FKBP6: variants seen among roughly 807,000 people sequenced by gnomAD.
FKBP6 encodes FKBP prolyl isomerase family member 6 (inactive).
Under a neutral mutation model 41.7 loss-of-function variants are expected in FKBP6, and 29 were observed. That is an observed-to-expected ratio of 0.70 (90% confidence interval 0.52 to 0.95). FKBP6 has a LOEUF of 0.95. Among genes scored for constraint, FKBP6 ranks in the 40% least tolerant of loss-of-function variants. The pLI is 0.00. For missense variants in FKBP6, 338 were observed against 408.7 expected, an observed-to-expected ratio of 0.83 and a Z score of 1.49; for synonymous variants, 130 against 165.1, an observed-to-expected ratio of 0.79 and a Z score of 1.63.
chr7:73,341,712 A>C (rs1441419488), intron 7 of FKBP6, among the ~76,000 whole-genome samples: 1 of 141,238 alleles, frequency 7.1e-6, no homozygotes, highest in East Asian at 2.1e-4. Context: ...CACCTAGGCT[A>C]TAGGGCAATG....
At chr7:73,353,469 G>C (rs1164384687) in intron 8 of FKBP6, among the ~76,000 whole-genome samples, 1 of 152,158 alleles carries the variant, frequency 6.6e-6, no homozygotes, top group South Asian at 2.1e-4. Context: ...TCCCAGATGA[G>C]ATCATCCTGA....
chr7:73,356,683 CATTA>C (rs1232992229), intron 8 of FKBP6, among the ~76,000 whole-genome samples: 6 of 152,312 alleles, frequency 3.9e-5, no homozygotes, highest in African/African-American at 1.4e-4. Flanking sequence ...ATAACTCTGT[CATTA>C]ATTCTGTGAG....
At chr7:73,356,018 AT>A (rs1805621021) in intron 8 of FKBP6, among the ~76,000 whole-genome samples, 1 of 142,644 alleles carries the variant, frequency 7.0e-6, no homozygotes, top group African/African-American at 2.6e-5. Context: ...GACAGCAGAG[AT>A]CGTGCCACTG....
chr7:73,329,566 G>T, intron 3 of FKBP6, 117 bp downstream of exon 3: 1 of 780,452 alleles, frequency 1.3e-6, no homozygotes, highest in East Asian at 2.5e-5. Flanking sequence ...CTTTGCTGAG[G>T]CTGGGTTTTG....
At chr7:73,353,100 C>G (rs1554551358) in intron 8 of FKBP6, among the ~76,000 whole-genome samples, 1 of 152,050 alleles carries the variant, frequency 6.6e-6, no homozygotes, top group African/African-American at 2.4e-5. Context: ...TTCTGTCTCT[C>G]CCTCTCTCTC....
intron 8 of FKBP6, among the ~76,000 whole-genome samples, chr7:73,354,920 G>A (rs1287791206): frequency 1.3e-5 from 2 of 152,172 alleles, no homozygotes. Context: ...CCGTGGGAAC[G>A]GCACCTGCTG....
chr7:73,337,550 G>A (rs1554548733), intron 5 of FKBP6, among the ~76,000 whole-genome samples: 1 of 151,926 alleles, frequency 6.6e-6, no homozygotes, highest in Non-Finnish European at 1.5e-5. Context: ...CTGACCTCAG[G>A]TGATCCGCCC....
chr7:73,355,344 G>A (rs1018073505), intron 8 of FKBP6, among the ~76,000 whole-genome samples: 6 of 152,174 alleles, frequency 3.9e-5, no homozygotes, highest in African/African-American at 1.2e-4. Flanking sequence ...ACATGTATTG[G>A]GTTTTCAAAA....
At chr7:73,343,043 G>C in intron 8 of FKBP6, 144 bp downstream of exon 8, 1 of 717,146 alleles carries the variant, frequency 1.4e-6, no homozygotes, top group Middle Eastern at 3.7e-4. Flanking sequence ...CAACACAACG[G>C]TAGTGCAGGA....
At chr7:73,338,135 C>T (rs1174384191) in intron 5 of FKBP6, among the ~76,000 whole-genome samples, 2 of 152,172 alleles carry the variant, frequency 1.3e-5, no homozygotes, top group Non-Finnish European at 2.9e-5. Context: ...AAGCGATTCT[C>T]CTGCCTCAGC....
intron 6 of FKBP6, 86 bp from the exon 7 acceptor site, chr7:73,341,187 G>GT (rs1805172206): frequency 1.0e-6 from 1 of 961,296 alleles, no homozygotes; most frequent in South Asian, 1.3e-5. Context: ...GCCTCCCAAA[G>GT]TGCTGGGATT....
At chr7:73,335,595 C>T (rs1554548451) in intron 5 of FKBP6, among the ~76,000 whole-genome samples, 2 of 152,124 alleles carry the variant, frequency 1.3e-5, no homozygotes, top group Non-Finnish European at 2.9e-5. Context: ...TTGCTGAGGC[C>T]ATCTGGACAC....
intron 5 of FKBP6, among the ~76,000 whole-genome samples, chr7:73,334,197 G>A (rs1322975790): frequency 1.1e-4 from 16 of 152,138 alleles, no homozygotes; most frequent in African/African-American, 3.1e-4. Flanking sequence ...GACGAAGATC[G>A]TTTTTCCCCG....
intron 8 of FKBP6, among the ~76,000 whole-genome samples, chr7:73,357,267 TG>T (rs1243729268): frequency 2.0e-5 from 3 of 148,572 alleles, no homozygotes; most frequent in Non-Finnish European, 3.0e-5. Flanking sequence ...TTGTTTGGTT[TG>T]GTTTTTTTTT....
At position 73,328,418 on chromosome 7, in the gene FKBP6, G is replaced by A. The variant is rs1297899485; in HGVS notation, c.-11G>A. The A allele has an allele frequency of 6.4e-6, 10 of 1,566,064 alleles. No individual in the cohort carries two copies. The East Asian group carries it at 7.0e-5, about 11-fold the overall frequency. The stretch of plus-strand genomic sequence containing the variant: ...GCCGAAGGCTCACGCCACAGGGAGG[G>A]CAGCTAGGACATGGGGGGAAGCGCG... On this transcript the variant is annotated 5_prime_UTR_variant, in exon 1 of 9. Transcript: ENST00000252037.
At position 73,342,845 on chromosome 7, in the gene FKBP6, G is replaced by C. The variant is rs201303538; in HGVS notation, c.932G>C (p.Trp311Ser). Residue 311 changes from tryptophan (W) to serine (S), a missense_variant, in exon 8 of 9, where the codon TGG (tryptophan) becomes TCG (serine). Trp to Ser is a radical substitution (Grantham distance 177). This residue lies in a region of FKBP6 where 239 missense variants were observed against 250.1 expected (regional missense o/e 0.96). Coordinates refer to ENST00000252037, the MANE Select transcript of FKBP6 (RefSeq NM_003602.5). ...RDYVDKEKEMWHRMFAPCGDG... is the reference protein window; with the variant it reads ...RDYVDKEKEMSHRMFAPCGDG... ...TATGTGGATAAAGAGAAAGAAATGT[G>C]GCACCGCATGTTCGCGCCCTGTGGC... The C allele has an allele frequency of 2.9e-5, 46 of 1,613,916 alleles. No individual in the cohort carries two copies. In the African/African-American group the frequency reaches 5.5e-4, roughly 19 times the overall value.
intron 5 of FKBP6, among the ~76,000 whole-genome samples, chr7:73,338,669 G>A (rs1040951027): frequency 1.3e-5 from 2 of 152,234 alleles, no homozygotes; most frequent in Non-Finnish European, 2.9e-5. Flanking sequence ...AGGCATCTTA[G>A]CGGATGTGAA....
intron 5 of FKBP6, chr7:73,336,694 C>T: frequency 2.2e-6 from 1 of 454,534 alleles, no homozygotes; most frequent in Non-Finnish European, 4.4e-6. Flanking sequence ...TGTACCAGCA[C>T]ACCACTGTGT....
chr7:73,344,214 G>A (rs1805274769), intron 8 of FKBP6, among the ~76,000 whole-genome samples: 2 of 152,216 alleles, frequency 1.3e-5, no homozygotes, highest in African/African-American at 4.8e-5. Context: ...CACAAGTCCT[G>A]TCATGAATGA....
Sources: allele counts gnomAD v4.1 joint callset (sites outside exome capture counted in the v4.1 genomes callset), GRCh38; gene constraint gnomAD v4.1.1; regional missense constraint gnomAD v4.1.1; transcripts MANE v1.5; gene names NCBI Gene and HGNC (gene_info 2026-07-23, HGNC 2026-07-21).